Variants in MCC observed in about 807,000 individuals in gnomAD.
The protein encoded by MCC is MCC regulator of Wnt signaling pathway.
A neutral mutation model predicts 116.2 loss-of-function variants in MCC; 90 were observed. That is an observed-to-expected ratio of 0.77 (90% CI 0.65 to 0.92). The LOEUF is 0.92. MCC is among the 40% of genes least tolerant of loss of function. The probability of loss-of-function intolerance (pLI) is 0.00; values close to 1 mark genes in which losing one functional copy is unlikely to be tolerated. For synonymous variants in MCC, 578 were observed against 510.5 expected, an observed-to-expected ratio of 1.13 and a Z score of -1.78; for missense variants, 1,516 against 1,312.2, an observed-to-expected ratio of 1.16 and a Z score of -2.40.
Position 113,340,706 on chromosome 5 carries a change from C to T in MCC, c.440G>A (p.Ser147Asn). The T allele has an allele frequency of 6.2e-7, 1 of 1,613,528 alleles. No homozygotes were observed. The highest frequency in any genetic ancestry group is 8.5e-7 in the Non-Finnish European group (1 of 1,180,014). The change falls in exon 3 of 19, where the codon AGC becomes AAC. Residue 147 changes from serine to asparagine, a missense_variant. By Grantham distance (46) the Ser-to-Asn change is conservative. Coordinates refer to ENST00000408903, the MANE Select transcript of MCC (RefSeq NM_001085377.2). ...CCTGGCACCAGAGTCGTATTCCCAG[C>T]TCTCCCTGGCTGCTGATAAGGCACC... is the stretch of plus-strand genomic sequence containing the variant. ...SLGALSAARE[S>N]WEYDSGARDL...
intron 3 of MCC, among the ~76,000 whole-genome samples, chr5:113,201,139 A>AC (rs1362898020): frequency 6.6e-6 from 1 of 152,112 alleles, no homozygotes; most frequent in Non-Finnish European, 1.5e-5. Context: ...CAATCCCAGC[A>AC]CTTTGGGAGG....
intron 7 of MCC, among the ~76,000 whole-genome samples, chr5:113,102,985 C>G (rs12523053): frequency 0.53 from 79,882 of 151,868 alleles, 22,122 homozygotes; most frequent in African/African-American, 0.7. Context: ...GTGGTGGCGC[C>G]CGCCTGTAAT....
intron 9 of MCC, 68 bp downstream of exon 9, chr5:113,085,096 G>T: frequency 6.2e-7 from 1 of 1,605,506 alleles, no homozygotes; most frequent in South Asian, 1.1e-5. Flanking sequence ...ACAGTGGCTA[G>T]GATGAGCCTG....
chr5:113,301,790 A>G (rs1303086743), intron 3 of MCC, among the ~76,000 whole-genome samples: 1 of 152,218 alleles, frequency 6.6e-6, no homozygotes, highest in African/African-American at 2.4e-5. Flanking sequence ...TCAAGTTTTT[A>G]TTTAATTGAA....
At chr5:113,210,170 A>G (rs985247239) in intron 3 of MCC, among the ~76,000 whole-genome samples, 1 of 152,118 alleles carries the variant, frequency 6.6e-6, no homozygotes, top group African/African-American at 2.4e-5. Context: ...GTGGGTGGGA[A>G]GAGTGAAGCT....
chr5:113,082,376 C>T (rs1754921168), intron 11 of MCC, among the ~76,000 whole-genome samples: 1 of 152,224 alleles, frequency 6.6e-6, no homozygotes, highest in South Asian at 2.1e-4. Flanking sequence ...ATTGCCTGTG[C>T]TGTTTCCAGT....
rs147083524 is a variant in MCC, at chr5:113,060,369, G to T, written c.2213+3615C>A. Reference sequence around the variant, plus strand: ...AGGATTTCACTATGTTGTCCAGGGTGGTCTCAAACTCCTGACCTCATGATC... The same window carrying T: ...AGGATTTCACTATGTTGTCCAGGGTTGTCTCAAACTCCTGACCTCATGATC... On this transcript the variant is annotated intron_variant, in intron 14 of 18. Coordinates refer to ENST00000408903, the MANE Select transcript of MCC (RefSeq NM_001085377.2). Among the ~76,000 whole-genome samples the T allele has an allele frequency of 3.7e-3, 561 of 152,228 alleles. 3 individuals carry two copies. Among genetic ancestry groups the T allele is most frequent in the African/African-American group, 0.013 (541 of 41,528 alleles).
chr5:113,205,615 G>C (rs1452264376), intron 3 of MCC, among the ~76,000 whole-genome samples: 1 of 152,212 alleles, frequency 6.6e-6, no homozygotes, highest in African/African-American at 2.4e-5. Flanking sequence ...GTTCTTACCA[G>C]TCTGTCCAAA....
At chr5:113,433,873 G>A in intron 1 of MCC, 1 of 1,613,996 alleles carries the variant, frequency 6.2e-7, no homozygotes, top group Non-Finnish European at 8.5e-7. Flanking sequence ...GTCTCAGGCT[G>A]TGCCTGGGGC....
intron 6 of MCC, among the ~76,000 whole-genome samples, chr5:113,115,572 C>T (rs926755973): frequency 2.6e-5 from 4 of 152,112 alleles, no homozygotes; most frequent in South Asian, 2.1e-4. Flanking sequence ...CTGCGAGCCT[C>T]TACTGACCTT....
intron 3 of MCC, among the ~76,000 whole-genome samples, chr5:113,285,226 A>G (rs1427792736): frequency 6.6e-6 from 1 of 152,184 alleles, no homozygotes; most frequent in African/African-American, 2.4e-5. Flanking sequence ...GAGGCATCTG[A>G]CGATGGATCA....
intron 4 of MCC, among the ~76,000 whole-genome samples, chr5:113,148,387 G>A (rs1759652992): frequency 6.6e-6 from 1 of 152,150 alleles, no homozygotes; most frequent in South Asian, 2.1e-4. Flanking sequence ...TGGATGTCAT[G>A]AGCATAAATA....
intron 1 of MCC, among the ~76,000 whole-genome samples, chr5:113,427,641 T>C (rs1770519841): frequency 6.6e-6 from 1 of 152,228 alleles, no homozygotes; most frequent in Non-Finnish European, 1.5e-5. Flanking sequence ...GGCTTTCTTA[T>C]TTAATTAATC....
intron 3 of MCC, chr5:113,269,258 TC>T: frequency 1.0e-6 from 1 of 971,716 alleles, no homozygotes; most frequent in Non-Finnish European, 1.2e-6. Context: ...CCTTTTGACT[TC>T]AACAGACTCT....
At chr5:113,184,060 G>C (rs1240826992) in intron 3 of MCC, among the ~76,000 whole-genome samples, 1 of 152,152 alleles carries the variant, frequency 6.6e-6, no homozygotes, top group East Asian at 1.9e-4. Context: ...CTCATTAGGG[G>C]AGACAGCTGG....
intron 1 of MCC, among the ~76,000 whole-genome samples, chr5:113,387,536 A>G (rs938695614): frequency 1.3e-4 from 20 of 152,184 alleles, no homozygotes; most frequent in Admixed American, 2.6e-4. Context: ...AGATATTTAG[A>G]GAATAGTCTT....
At chr5:113,476,186 G>A (rs956731169) in intron 1 of MCC, among the ~76,000 whole-genome samples, 2 of 152,078 alleles carry the variant, frequency 1.3e-5, no homozygotes, top group East Asian at 1.9e-4. Flanking sequence ...TGAAAAGATC[G>A]AAAACTAATC....
rs912078585 is a variant in MCC, at chr5:113,027,452, C to A, written c.2910G>T (p.Lys970Asn). The A allele has an allele frequency of 1.2e-6, 2 of 1,614,042 alleles. No individual in the cohort carries two copies. Among genetic ancestry groups the A allele is most frequent in the African/African-American group, 2.7e-5 (2 of 74,918 alleles). Residue 970 changes from lysine (K) to asparagine (N), a missense_variant, in exon 19 of 19, where the codon AAG (lysine) becomes AAT (asparagine). Coordinates refer to ENST00000408903, the MANE Select transcript of MCC (RefSeq NM_001085377.2). The part of the protein sequence containing the change: ...SNLVAAYEKA[K>N]KKHQNKLKKL... The stretch of plus-strand genomic sequence containing the variant: ...TCTTCAGTTTGTTTTGATGCTTTTT[C>A]TTTGCTTTCTCATAGGCAGCCACCA...
intron 3 of MCC, among the ~76,000 whole-genome samples, chr5:113,182,987 G>A (rs1249379222): frequency 1.3e-5 from 2 of 152,230 alleles, no homozygotes; most frequent in Non-Finnish European, 2.9e-5. Context: ...TTGGAGAGAA[G>A]GCATTTGAGC....
Sources: gnomAD v4.1 joint callset for allele counts (sites outside exome capture counted in the v4.1 genomes callset) on GRCh38, gnomAD v4.1.1 for gene constraint, MANE v1.5 for transcripts, NCBI Gene and HGNC (gene_info 2026-07-23, HGNC 2026-07-21) for gene names.